PLCXD3: variants seen among roughly 807,000 people sequenced by gnomAD.
PLCXD3 encodes PI-PLC X domain-containing protein 3.
Under a neutral mutation model 25.5 loss-of-function variants are expected in PLCXD3, and 19 were observed. The observed-to-expected ratio is 0.75, with a 90% confidence interval of 0.52 to 1.09. The LOEUF is 1.09. PLCXD3 is among the 50% of genes least tolerant of loss of function. The pLI is 0.00. For missense variants in PLCXD3, 411 were observed against 388.1 expected, an observed-to-expected ratio of 1.06 and a Z score of -0.50; for synonymous variants, 174 against 137.6, an observed-to-expected ratio of 1.26 and a Z score of -1.85.
chr5:41,379,561 A>T (rs1745393619), intron 2 of PLCXD3, among the ~76,000 whole-genome samples: 1 of 152,054 alleles, frequency 6.6e-6, no homozygotes, highest in South Asian at 2.1e-4. Context: ...AAAATGGTAA[A>T]GGAGAAGATT....
At chr5:41,403,873 A>G (rs917952135) in intron 1 of PLCXD3, among the ~76,000 whole-genome samples, 1 of 151,712 alleles carries the variant, frequency 6.6e-6, no homozygotes, top group Non-Finnish European at 1.5e-5. Flanking sequence ...ATACGTGTGC[A>G]TGTGTCTTTA....
chr5:41,411,219 G>A (rs1446303980), intron 1 of PLCXD3, among the ~76,000 whole-genome samples: 2 of 152,158 alleles, frequency 1.3e-5, no homozygotes, highest in Non-Finnish European at 2.9e-5. Context: ...GTTCTTGTAT[G>A]TCTGGCACTA....
At chr5:41,347,473 C>G (rs1261408717) in intron 2 of PLCXD3, among the ~76,000 whole-genome samples, 1 of 152,174 alleles carries the variant, frequency 6.6e-6, no homozygotes, top group Admixed American at 6.5e-5. Flanking sequence ...ACCTCAACAC[C>G]TTATAGACAC....
intron 2 of PLCXD3, among the ~76,000 whole-genome samples, chr5:41,373,116 C>T (rs188096359): frequency 1.1e-3 from 173 of 152,060 alleles, no homozygotes; most frequent in African/African-American, 3.9e-3. Context: ...CCTCGTTATA[C>T]CCCCTTCTTC....
intron 1 of PLCXD3, among the ~76,000 whole-genome samples, chr5:41,471,613 A>C (rs1748159724): frequency 6.6e-6 from 1 of 152,200 alleles, no homozygotes; most frequent in African/African-American, 2.4e-5. Flanking sequence ...GATGTTAATG[A>C]GCAATAAGAA....
intron 1 of PLCXD3, among the ~76,000 whole-genome samples, chr5:41,464,194 C>T (rs1463037915): frequency 6.6e-6 from 1 of 151,986 alleles, no homozygotes; most frequent in African/African-American, 2.4e-5. Context: ...ATCTGAAGAG[C>T]TCTGTAATCT....
chr5:41,462,109 T>C (rs945344990), intron 1 of PLCXD3, among the ~76,000 whole-genome samples: 6 of 151,964 alleles, frequency 3.9e-5, no homozygotes, highest in African/African-American at 1.4e-4. Context: ...GAAACATACA[T>C]AGTTACAAGA....
chr5:41,474,319 C>G (rs1057503280), intron 1 of PLCXD3, among the ~76,000 whole-genome samples: 2 of 152,150 alleles, frequency 1.3e-5, no homozygotes, highest in African/African-American at 2.4e-5. Flanking sequence ...AAACACTGTG[C>G]TTGGGGTGTG....
At chr5:41,397,021 A>G (rs1386243065) in intron 1 of PLCXD3, among the ~76,000 whole-genome samples, 2 of 152,250 alleles carry the variant, frequency 1.3e-5, no homozygotes, top group Admixed American at 1.3e-4. Flanking sequence ...TGCAGATCAT[A>G]AAAGTTTGGA....
intron 2 of PLCXD3, among the ~76,000 whole-genome samples, chr5:41,332,909 A>G (rs1329537151): frequency 6.6e-6 from 1 of 151,622 alleles, no homozygotes; most frequent in Non-Finnish European, 1.5e-5. Context: ...ACACATGGAC[A>G]CAGGAAGGGG....
At chr5:41,398,942 T>C (rs1317816590) in intron 1 of PLCXD3, among the ~76,000 whole-genome samples, 1 of 152,156 alleles carries the variant, frequency 6.6e-6, no homozygotes, top group Non-Finnish European at 1.5e-5. Flanking sequence ...TATAAACTAA[T>C]ATTTCAAAAA....
intron 1 of PLCXD3, among the ~76,000 whole-genome samples, chr5:41,428,346 C>G (rs1167653949): frequency 7.5e-6 from 1 of 133,228 alleles, no homozygotes; most frequent in African/African-American, 2.7e-5. Context: ...AGAATAGGGT[C>G]TTTAAAGAGG....
rs1042224174 is a variant in PLCXD3 at position 41,379,922 on chromosome 5, A to G, written c.812+1904T>C. Among the ~76,000 whole-genome samples the G allele has an allele frequency of 7.9e-5, 12 of 152,132 alleles. 1 individual carries two copies. Among genetic ancestry groups the G allele is most frequent in the Admixed American group, 7.9e-4 (12 of 15,260 alleles). ...CATAGAGAAAGTCATGCACTTTCAT[A>G]GAGTATACAATGAATGGTTGGTAAT... On this transcript the variant is annotated intron_variant, in intron 2 of 2. Coordinates refer to ENST00000377801, the MANE Select transcript of PLCXD3 (RefSeq NM_001005473.3).
intron 1 of PLCXD3, among the ~76,000 whole-genome samples, chr5:41,436,669 A>G (rs1747261691): frequency 6.6e-6 from 1 of 152,140 alleles, no homozygotes; most frequent in South Asian, 2.1e-4. Context: ...ACCACCTACT[A>G]AGCACTTAGC....
intron 1 of PLCXD3, among the ~76,000 whole-genome samples, chr5:41,476,775 A>T (rs1748292803): frequency 6.6e-6 from 1 of 152,224 alleles, no homozygotes; most frequent in African/African-American, 2.4e-5. Flanking sequence ...GGACACCAAC[A>T]CAAAGAGCAA....
At chr5:41,447,939 T>A (rs988572369) in intron 1 of PLCXD3, among the ~76,000 whole-genome samples, 3 of 152,214 alleles carry the variant, frequency 2.0e-5, no homozygotes, top group African/African-American at 7.2e-5. Flanking sequence ...TTCTGGCTAT[T>A]GTTGGCTGAC....
chr5:41,493,665 C>T (rs1318915916), intron 1 of PLCXD3, among the ~76,000 whole-genome samples: 1 of 152,232 alleles, frequency 6.6e-6, no homozygotes, highest in African/African-American at 2.4e-5. Context: ...AGCCTAGCTG[C>T]CGCCTTGCAG....
intron 2 of PLCXD3, among the ~76,000 whole-genome samples, chr5:41,319,948 CA>C (rs1743414868): frequency 6.6e-6 from 1 of 151,994 alleles, no homozygotes; most frequent in Admixed American, 6.6e-5. Context: ...TGCAGAAATT[CA>C]AAAGTTCATT....
At chr5:41,397,625 C>A (rs918330206) in intron 1 of PLCXD3, among the ~76,000 whole-genome samples, 1 of 152,198 alleles carries the variant, frequency 6.6e-6, no homozygotes, top group South Asian at 2.1e-4. Flanking sequence ...AAGAGAGACA[C>A]AATCCTCCAG....
Sources: allele counts gnomAD v4.1 joint callset (sites outside exome capture counted in the v4.1 genomes callset), GRCh38; gene constraint gnomAD v4.1.1; transcripts MANE v1.5; gene names NCBI Gene and HGNC (gene_info 2026-07-23, HGNC 2026-07-21).